LSM8: variants seen among roughly 807,000 people sequenced by gnomAD.
LSM8 encodes LSM8 homolog, U6 small nuclear RNA associated.
LSM8 carries 14 observed loss-of-function variants against 15.0 expected under a neutral mutation model. The ratio of observed to expected loss-of-function variants is 0.93; its 90% confidence interval spans 0.62 to 1.46. The LOEUF (loss-of-function observed/expected upper bound fraction) is 1.46, where lower values mean the gene tolerates loss of function less well. Ranked by LOEUF, LSM8 falls within the 40% of genes most tolerant of loss-of-function variation. The pLI is 0.00. For synonymous variants in LSM8, 50 were observed against 42.1 expected, an observed-to-expected ratio of 1.19 and a Z score of -0.73; for missense variants, 90 against 115.4, an observed-to-expected ratio of 0.78 and a Z score of 1.01.
At chr7:118,191,578 G>C (rs2115923294) in intron 3 of LSM8, 1 of 179,834 alleles carries the variant, frequency 5.6e-6, no homozygotes, top group Non-Finnish European at 1.2e-5. Flanking sequence ...ATTGAAATAT[G>C]GTTTGGAAGT....
At position 118,201,335 on chromosome 7, in the gene LSM8, T is replaced by C. The variant is rs1333106570; in HGVS notation, c.*9333T>C. On this transcript the variant is annotated 3_prime_UTR_variant, in exon 4 of 4. Transcript: ENST00000249299. ...GGAGCATGTAGAGAGAGTCTCCTAG[T>C]TGATACCAACTCAGGAAAGCAGAAT... Among the ~76,000 whole-genome samples the C allele has an allele frequency of 6.6e-6, 1 of 152,048 alleles. No homozygotes were observed. The highest frequency in any genetic ancestry group is 1.9e-4 in the East Asian group (1 of 5,182).
Position 118,199,761 on chromosome 7 carries a change from G to C in LSM8, c.*7759G>C, listed in dbSNP as rs1267134115. ...TTGAGAAATTCAAGTGTAGGGTAAG[G>C]CCACCTCCCCAGCAAGTAAATACTG... On this transcript the variant is annotated 3_prime_UTR_variant, in exon 4 of 4. Transcript: ENST00000249299. Among the ~76,000 whole-genome samples the C allele has an allele frequency of 6.6e-6, 1 of 152,000 alleles. No homozygotes were observed. Among genetic ancestry groups the C allele is most frequent in the Admixed American group, 6.6e-5 (1 of 15,240 alleles).
In LSM8 at chr7:118,200,565, C is replaced by A. The variant is rs548647600; in HGVS notation, c.*8563C>A. On this transcript the variant is annotated 3_prime_UTR_variant, in exon 4 of 4. Coordinates refer to ENST00000249299, the MANE Select transcript of LSM8 (RefSeq NM_016200.5). ...TATGTTTATACTATTTATTTAAATG[C>A]GGAGAACATGGCTAACCATTCAGGA... 7.2e-5 allele frequency among the ~76,000 whole-genome samples: 11 copies of A among 152,094 alleles called. No homozygotes were observed. The highest frequency in any genetic ancestry group is 7.2e-4 in the Admixed American group (11 of 15,260).
chr7:118,202,775 T>C lies in LSM8; in HGVS notation c.*10773T>C, dbSNP rs1809190968. On this transcript the variant is annotated 3_prime_UTR_variant, in exon 4 of 4. Coordinates refer to ENST00000249299, the MANE Select transcript of LSM8 (RefSeq NM_016200.5). ...ACAACCAACAATGCTGCCATTGTGC[T>C]AGTATAGAAGCAAGTATCTCAGAGG... Among the ~76,000 whole-genome samples, 1 of 151,944 alleles carries C rather than the reference T, an allele frequency of 6.6e-6. No individual in the cohort carries two copies. The highest frequency in any genetic ancestry group is 6.6e-5 in the Admixed American group (1 of 15,208).
rs1554365313 is a variant in LSM8 at position 118,203,653 on chromosome 7, GTCA to G, written c.*11654_*11656del. On this transcript the variant is annotated 3_prime_UTR_variant, in exon 4 of 4. Coordinates refer to ENST00000249299, the MANE Select transcript of LSM8 (RefSeq NM_016200.5). ...TTTGGAGCACTATAAAAAGTGAAAAGTCATCTGCCAGATCTAACATGGTATACT... is the reference window on the plus strand; with the variant it reads ...TTTGGAGCACTATAAAAAGTGAAAAGTCTGCCAGATCTAACATGGTATACT... 6.6e-6 allele frequency among the ~76,000 whole-genome samples: 1 copy of G among 151,766 alleles called. No individual in the cohort carries two copies. Among genetic ancestry groups the G allele is most frequent in the Non-Finnish European group, 1.5e-5 (1 of 67,778 alleles).
At chr7:118,190,385 CT>C (rs1334526397) in intron 3 of LSM8, 3 of 151,696 alleles carry the variant, frequency 2.0e-5, no homozygotes, top group African/African-American at 7.3e-5. Context: ...ATTTTTTTTT[CT>C]TGAACTTCAG....
Position 118,191,900 on chromosome 7 carries a change from T to G in LSM8, c.201-12T>G, listed in dbSNP as rs989586367. 1 of 1,594,762 alleles carries G rather than the reference T, an allele frequency of 6.3e-7. No individual in the cohort carries two copies. Among genetic ancestry groups the G allele is most frequent in the Non-Finnish European group, 8.6e-7 (1 of 1,165,510 alleles). On this transcript the variant is annotated splice_polypyrimidine_tract_variant and intron_variant, in intron 3 of 3. Transcript: ENST00000249299. ...TTCAGAAATGTGATTGTTTTAACTC[T>G]GACTTTTTTAGTGCAGTCATTGGAG...
intron 3 of LSM8, chr7:118,190,897 A>C (rs983788526): frequency 1.3e-5 from 2 of 152,076 alleles, no homozygotes; most frequent in Non-Finnish European, 2.9e-5. Context: ...CAGAGGTCAG[A>C]GGTTCGAGAC....
chr7:118,196,481 C>T lies in LSM8; in HGVS notation c.*4479C>T, dbSNP rs1562864058. The stretch of plus-strand genomic sequence containing the variant: ...GGATAAAGGCGAAATAGGACTTCAC[C>T]AGGAGAATTTCTTTCATTAGTTAAC... On this transcript the variant is annotated 3_prime_UTR_variant, in exon 4 of 4. Transcript: ENST00000249299. Among the ~76,000 whole-genome samples, 3 of 151,842 alleles carry T rather than the reference C, an allele frequency of 2.0e-5. No homozygotes were observed. The highest frequency in any genetic ancestry group is 4.4e-5 in the Non-Finnish European group (3 of 67,960).
chr7:118,196,679 T>C lies in LSM8; in HGVS notation c.*4677T>C, dbSNP rs921928267. On this transcript the variant is annotated 3_prime_UTR_variant, in exon 4 of 4. Coordinates refer to ENST00000249299, the MANE Select transcript of LSM8 (RefSeq NM_016200.5). ...CATTTCCTTCTTTTTTTAATGTTTC[T>C]TTTTTTTTAAGTCCTTTAATTTTTA... Among the ~76,000 whole-genome samples, 5 of 148,432 alleles carry C rather than the reference T, an allele frequency of 3.4e-5. No homozygotes were observed. The highest frequency in any genetic ancestry group is 1.2e-4 in the African/African-American group (5 of 40,506).
intron 1 of LSM8, 23 bp from the exon 2 acceptor site, chr7:118,185,631 A>G (rs756618103): frequency 3.0e-5 from 48 of 1,594,852 alleles, no homozygotes; most frequent in Non-Finnish European, 3.6e-5. Flanking sequence ...CCTAAGAAAC[A>G]CTTTCTTTGA....
chr7:118,185,839 T>C (rs1369024224), intron 2 of LSM8, 145 bp downstream of exon 2: 1 of 681,662 alleles, frequency 1.5e-6, no homozygotes, highest in Non-Finnish European at 2.5e-6. Context: ...ATCACTTTGC[T>C]GTCAATCCAT....
At chr7:118,190,957 T>A (rs1236457198) in intron 3 of LSM8, 2 of 152,030 alleles carry the variant, frequency 1.3e-5, no homozygotes, top group African/African-American at 4.8e-5. Flanking sequence ...ATACAAAAAT[T>A]AGCCGGGTGT....
At position 118,195,882 on chromosome 7, in the gene LSM8, C is replaced by A. The variant is rs1809069171; in HGVS notation, c.*3880C>A. 6.6e-6 allele frequency among the ~76,000 whole-genome samples: 1 copy of A among 152,110 alleles called. No individual in the cohort carries two copies. The highest frequency in any genetic ancestry group is 2.4e-5 in the African/African-American group (1 of 41,416). Reference sequence around the variant, plus strand: ...ATTTAGATTGATACCCATTAAATAGCATAGTGCTCCCATTAAACTAGCGAC... The same window carrying A: ...ATTTAGATTGATACCCATTAAATAGAATAGTGCTCCCATTAAACTAGCGAC... On this transcript the variant is annotated 3_prime_UTR_variant, in exon 4 of 4. Coordinates refer to ENST00000249299, the MANE Select transcript of LSM8 (RefSeq NM_016200.5).
Position 118,184,337 on chromosome 7 carries a change from TG to T in LSM8, c.31+85del, listed in dbSNP as rs1808845957. ...GGGATCGGTGGGAGGTTGGGAGGCCTGGCCTCGGCGGGATCCTGGGGGCGGG... is the reference window on the plus strand; with the variant it reads ...GGGATCGGTGGGAGGTTGGGAGGCCTGCCTCGGCGGGATCCTGGGGGCGGG... On this transcript the variant is annotated intron_variant, in intron 1 of 3. Coordinates refer to ENST00000249299, the MANE Select transcript of LSM8 (RefSeq NM_016200.5). 16 of 1,373,430 alleles carry T rather than the reference TG, an allele frequency of 1.2e-5. No individual in the cohort carries two copies. The Admixed American group carries it at 4.5e-4, about 39-fold the overall frequency. 85.1% of individuals were successfully genotyped at this position (1,373,430 alleles called of 1,614,324 possible). A position where few individuals can be genotyped will look rare whatever the true frequency, so the allele number is the denominator to read the frequency against.
In LSM8 at chr7:118,184,169, A is replaced by G. The variant is rs572998469; in HGVS notation, c.-55A>G. 9 of 1,543,316 alleles carry G rather than the reference A, an allele frequency of 5.8e-6. No individual in the cohort carries two copies. The South Asian group carries it at 8.4e-5, about 14-fold the overall frequency. On this transcript the variant is annotated 5_prime_UTR_variant, in exon 1 of 4. Coordinates refer to ENST00000249299, the MANE Select transcript of LSM8 (RefSeq NM_016200.5). ...CTGCCGGGTTCTGGCGCGCCCTTTC[A>G]GTTCTGCTTGCTGTCGGCACCGCTG...
At chr7:118,189,699 T>A (rs77435239) in intron 3 of LSM8, 10,453 of 150,734 alleles carry the variant, frequency 0.069, 389 homozygotes, top group East Asian at 0.11. Context: ...CGTCTCTCCT[T>A]AAAATAGAAA....
In LSM8 at chr7:118,198,759, T is replaced by C. The variant is rs146357463; in HGVS notation, c.*6757T>C. Among the ~76,000 whole-genome samples the C allele has an allele frequency of 1.4e-3, 210 of 152,312 alleles. No homozygotes were observed. The highest frequency in any genetic ancestry group is 4.8e-3 in the African/African-American group (201 of 41,564). Reference sequence around the variant, plus strand: ...GTACAGTAAAGGCTCAAATCCTTTTTATTGCAAAGAAAGGACCTGTCCTTC... The same window carrying C: ...GTACAGTAAAGGCTCAAATCCTTTTCATTGCAAAGAAAGGACCTGTCCTTC... On this transcript the variant is annotated 3_prime_UTR_variant, in exon 4 of 4. Transcript: ENST00000249299.
chr7:118,200,639 A>ATGACATGG lies in LSM8; in HGVS notation c.*8637_*8638insTGACATGG, dbSNP rs1809157699. 6.6e-6 allele frequency among the ~76,000 whole-genome samples: 1 copy of ATGACATGG among 152,108 alleles called. No homozygotes were observed. The highest frequency in any genetic ancestry group is 2.4e-5 in the African/African-American group (1 of 41,428). ...TGATTCTTCCATAATAAACAAGCAAACTGTCATACTTGTTGACTTATATTT... is the reference window on the plus strand; with the variant it reads ...TGATTCTTCCATAATAAACAAGCAAATGACATGGCTGTCATACTTGTTGACTTATATTT... On this transcript the variant is annotated 3_prime_UTR_variant, in exon 4 of 4. Transcript: ENST00000249299.
Sources: allele counts gnomAD v4.1 joint callset (sites outside exome capture counted in the v4.1 genomes callset), GRCh38; gene constraint gnomAD v4.1.1; transcripts MANE v1.5; gene names NCBI Gene and HGNC (gene_info 2026-07-23, HGNC 2026-07-21).